The following PARD3B variants were observed in gnomAD, a reference collection of about 807,000 sequenced individuals.
The protein encoded by PARD3B is par-3 family cell polarity regulator beta.
Under a neutral mutation model 130.2 loss-of-function variants are expected in PARD3B, and 103 were observed. That is an observed-to-expected ratio of 0.79 (90% CI 0.67 to 0.93). PARD3B has a LOEUF of 0.93. Ranked by LOEUF, PARD3B falls within the 40% of genes least tolerant of loss-of-function variation. PARD3B has a pLI of 0.00. For synonymous variants in PARD3B, 583 were observed against 553.2 expected (o/e 1.05, Z -0.76); for missense variants, 1,609 against 1,499.2 (o/e 1.07, Z -1.21).
chr2:205,523,608 G>A (rs1278304791), intron 21 of PARD3B, among the ~76,000 whole-genome samples: 1 of 152,038 alleles, frequency 6.6e-6, no homozygotes, highest in Non-Finnish European at 1.5e-5. Context: ...TAACGTGACT[G>A]TGTTATCAAA....
chr2:205,553,329 T>TG lies in PARD3B; in HGVS notation c.3188dup (p.Arg1064LysfsTer13), dbSNP rs1244972601. ...AATTGCTTTTCTCTCCACAGGTGCC[T>TG]GGAAGGGGTCCAGATGGGAATGCAC... On this transcript the variant is annotated frameshift_variant, in exon 22 of 23. Coordinates refer to ENST00000406610, the MANE Select transcript of PARD3B (RefSeq NM_001302769.2). LOFTEE classifies it high-confidence loss of function. 10 of 1,613,722 alleles carry TG rather than the reference T, an allele frequency of 6.2e-6. No homozygotes were observed. Among genetic ancestry groups the TG allele is most frequent in the Middle Eastern group, 1.6e-4 (1 of 6,078 alleles).
At chr2:204,862,708 A>G (rs1416341597) in intron 2 of PARD3B, among the ~76,000 whole-genome samples, 2 of 152,164 alleles carry the variant, frequency 1.3e-5, no homozygotes, top group African/African-American at 4.8e-5. Flanking sequence ...CACTTTTTCC[A>G]GGACATCCCT....
intron 2 of PARD3B, among the ~76,000 whole-genome samples, chr2:204,955,586 G>C (rs1019213836): frequency 5.3e-5 from 8 of 152,170 alleles, no homozygotes; most frequent in Non-Finnish European, 1.0e-4. Context: ...TTTTTCCCAT[G>C]TGCCAAGAAA....
intron 22 of PARD3B, among the ~76,000 whole-genome samples, chr2:205,579,018 G>A (rs528556190): frequency 3.3e-5 from 5 of 152,250 alleles, no homozygotes; most frequent in African/African-American, 1.2e-4. Context: ...TCCATTGTAA[G>A]AACACACGTA....
intron 2 of PARD3B, among the ~76,000 whole-genome samples, chr2:204,859,139 T>C (rs2045080194): frequency 6.6e-6 from 1 of 152,134 alleles, no homozygotes; most frequent in Non-Finnish European, 1.5e-5. Flanking sequence ...CAATATTTAA[T>C]AGCCAATTTT....
intron 4 of PARD3B, among the ~76,000 whole-genome samples, chr2:205,090,787 A>T (rs1702056923): frequency 1.3e-5 from 2 of 152,174 alleles, no homozygotes; most frequent in Non-Finnish European, 2.9e-5. Flanking sequence ...AAGTGGAGAG[A>T]GACGGGCAGT....
At chr2:205,147,022 A>G (rs1214890094) in intron 10 of PARD3B, among the ~76,000 whole-genome samples, 2 of 152,146 alleles carry the variant, frequency 1.3e-5, no homozygotes, top group African/African-American at 4.8e-5. Context: ...GGCCACAGTC[A>G]TGTATTTTAA....
rs776623180 is a variant in PARD3B, at chr2:205,122,839, A to G, written c.1165+890A>G. Reference sequence around the variant, plus strand: ...TCTCTGATCAAAATTTCATTCACCTATAAGAATTCTATTCTGGGAATAAAA... The same window carrying G: ...TCTCTGATCAAAATTTCATTCACCTGTAAGAATTCTATTCTGGGAATAAAA... On this transcript the variant is annotated intron_variant, in intron 8 of 22. Transcript: ENST00000406610. This position sits in a 1 kb window ranked among gnomAD's most constrained non-coding sequence, Gnocchi z 4.3. Among the ~76,000 whole-genome samples the G allele has an allele frequency of 1.3e-5, 2 of 152,250 alleles. No individual in the cohort carries two copies. The highest frequency in any genetic ancestry group is 2.9e-5 in the Non-Finnish European group (2 of 68,032).
chr2:205,313,301 G>A (rs2042453893), intron 18 of PARD3B, among the ~76,000 whole-genome samples: 1 of 152,198 alleles, frequency 6.6e-6, no homozygotes, highest in African/African-American at 2.4e-5. Context: ...AGCACACAGA[G>A]TTCGCTTAAT....
chr2:205,264,696 C>A (rs1028924790), intron 16 of PARD3B, among the ~76,000 whole-genome samples: 1 of 150,758 alleles, frequency 6.6e-6, no homozygotes, highest in Non-Finnish European at 1.5e-5. Context: ...GATCAACTGA[C>A]AAAAGTCAGC....
At chr2:205,383,801 C>T (rs1190869376) in intron 18 of PARD3B, among the ~76,000 whole-genome samples, 1 of 152,060 alleles carries the variant, frequency 6.6e-6, no homozygotes, top group African/African-American at 2.4e-5. Flanking sequence ...TGGAACCAGA[C>T]AATATGTAGC....
intron 15 of PARD3B, among the ~76,000 whole-genome samples, chr2:205,236,819 A>G (rs2125904418): frequency 6.6e-6 from 1 of 152,324 alleles, no homozygotes; most frequent in South Asian, 2.1e-4. Context: ...CAGTGACATC[A>G]GTCACATCAG....
chr2:205,600,202 G>A (rs1453861649), intron 22 of PARD3B, among the ~76,000 whole-genome samples: 2 of 152,216 alleles, frequency 1.3e-5, no homozygotes, highest in African/African-American at 4.8e-5. Context: ...ATAGCTAAGA[G>A]AATATTTGCT....
At position 205,146,500 on chromosome 2, in the gene PARD3B, A is replaced by G. The variant is rs2033369418; in HGVS notation, c.1435-12222A>G. 6.6e-6 allele frequency among the ~76,000 whole-genome samples: 1 copy of G among 151,540 alleles called. No individual in the cohort carries two copies. Among genetic ancestry groups the G allele is most frequent in the Non-Finnish European group, 1.5e-5 (1 of 67,916 alleles). On this transcript the variant is annotated intron_variant, in intron 10 of 22. Coordinates refer to ENST00000406610, the MANE Select transcript of PARD3B (RefSeq NM_001302769.2). The surrounding 1 kb of genome is among the most constrained non-coding windows in gnomAD (Gnocchi z 4.3). The stretch of plus-strand genomic sequence containing the variant: ...CCGTCTCTACTAAAAATACAAAAAC[A>G]TTTATCTGGGCGTGGTGGCGGGCGC...
chr2:205,543,037 T>C (rs772136411), intron 21 of PARD3B, among the ~76,000 whole-genome samples: 1 of 152,210 alleles, frequency 6.6e-6, no homozygotes, highest in Non-Finnish European at 1.5e-5. Flanking sequence ...TCATTCTTTC[T>C]GTTAACTTCC....
chr2:205,011,163 G>A lies in PARD3B; in HGVS notation c.395-36418G>A, dbSNP rs945212855. Among the ~76,000 whole-genome samples, 1 of 152,166 alleles carries A rather than the reference G, an allele frequency of 6.6e-6. No homozygotes were observed. The highest frequency in any genetic ancestry group is 1.5e-5 in the Non-Finnish European group (1 of 68,032). On this transcript the variant is annotated intron_variant, in intron 3 of 22. Coordinates refer to ENST00000406610, the MANE Select transcript of PARD3B (RefSeq NM_001302769.2). The surrounding 1 kb of genome is among the most constrained non-coding windows in gnomAD (Gnocchi z 4.1). ...TCCACTGGCCGTGTATTGATTATCTGCAGATTATATATAACTTAGCAGCTT... is the reference window on the plus strand; with the variant it reads ...TCCACTGGCCGTGTATTGATTATCTACAGATTATATATAACTTAGCAGCTT...
At chr2:204,547,669 G>A (rs1377488071) in intron 1 of PARD3B, among the ~76,000 whole-genome samples, 1 of 152,078 alleles carries the variant, frequency 6.6e-6, no homozygotes. Flanking sequence ...ATCTCATTGA[G>A]GGATTGTCTT....
intron 16 of PARD3B, among the ~76,000 whole-genome samples, chr2:205,252,360 T>C (rs1317423677): frequency 1.3e-5 from 2 of 152,172 alleles, no homozygotes; most frequent in African/African-American, 4.8e-5. Flanking sequence ...GTTTATAATA[T>C]GGTAGAGGAG....
At chr2:204,560,395 A>G (rs2031231549) in intron 1 of PARD3B, among the ~76,000 whole-genome samples, 1 of 152,142 alleles carries the variant, frequency 6.6e-6, no homozygotes, top group Non-Finnish European at 1.5e-5. Context: ...CAGTGGGCTT[A>G]TAGATTTAAC....
Sources: allele counts gnomAD v4.1 joint callset (sites outside exome capture counted in the v4.1 genomes callset), GRCh38; gene constraint gnomAD v4.1.1; non-coding constraint Gnocchi (gnomAD v3.1); transcripts MANE v1.5; gene names NCBI Gene and HGNC (gene_info 2026-07-23, HGNC 2026-07-21).